The following SEL1L2 variants were observed in gnomAD, a reference collection of about 807,000 sequenced individuals.
The protein encoded by SEL1L2 is protein sel-1 homolog 2.
Under a neutral mutation model 98.8 loss-of-function variants are expected in SEL1L2, and 89 were observed. That is an observed-to-expected ratio of 0.90 (90% CI 0.76 to 1.07). SEL1L2 has a LOEUF of 1.07. SEL1L2 is among the 50% of genes least tolerant of loss of function. SEL1L2 has a pLI of 0.00. For missense variants in SEL1L2, 788 were observed against 812.0 expected (o/e 0.97, Z 0.36); for synonymous variants, 262 against 278.5 (o/e 0.94, Z 0.59).
At chr20:13,984,567 T>C (rs2148567962) in intron 1 of SEL1L2, among the ~76,000 whole-genome samples, 1 of 152,286 alleles carries the variant, frequency 6.6e-6, no homozygotes, top group South Asian at 2.1e-4. Context: ...TGTTTCTTGT[T>C]TGGACCATTC....
At chr20:13,869,444 A>T in intron 14 of SEL1L2, 59 bp downstream of exon 14, 1 of 1,246,644 alleles carries the variant, frequency 8.0e-7, no homozygotes, top group Non-Finnish European at 1.2e-6. Context: ...TTATAAAAGA[A>T]GCAGACTTAA....
rs1990842463 is a variant in SEL1L2, at chr20:13,865,441, C to T, written c.1478G>A (p.Gly493Asp). The T allele has an allele frequency of 9.9e-6, 16 of 1,613,960 alleles. No homozygotes were observed. Among genetic ancestry groups the T allele is most frequent in the Admixed American group, 1.7e-5 (1 of 60,004 alleles). ...CTGAACAAGAGAAGAATCTATATCA[C>T]CATCCTTATAGGCAAAGTAAGCTGT... The part of the protein sequence containing the change: ...FLTAYFAYKD[G>D]DIDSSLVQYA... The change falls in exon 16 of 20, where the codon GGT (glycine) becomes GAT (aspartate). Residue 493 changes from glycine to aspartate, a missense_variant. Coordinates refer to ENST00000284951, the MANE Select transcript of SEL1L2 (RefSeq NM_025229.2).
At chr20:13,864,332 A>G (rs192743234) in intron 17 of SEL1L2, among the ~76,000 whole-genome samples, 8 of 152,208 alleles carry the variant, frequency 5.3e-5, no homozygotes, top group African/African-American at 1.7e-4. Context: ...TTTTTATCCT[A>G]TTCACTTCCT....
intron 5 of SEL1L2, among the ~76,000 whole-genome samples, chr20:13,904,810 T>C (rs942716485): frequency 5.3e-5 from 8 of 152,234 alleles, no homozygotes; most frequent in African/African-American, 1.2e-4. Context: ...AATTTAGTTA[T>C]GCAGAAACAC....
intron 18 of SEL1L2, among the ~76,000 whole-genome samples, chr20:13,853,580 A>C (rs1190216185): frequency 6.6e-6 from 1 of 152,230 alleles, no homozygotes; most frequent in East Asian, 1.9e-4. Flanking sequence ...TTAAATACTT[A>C]CTGTGTGCCA....
intron 15 of SEL1L2, among the ~76,000 whole-genome samples, chr20:13,866,181 C>T (rs890667786): frequency 1.3e-5 from 2 of 152,244 alleles, no homozygotes; most frequent in East Asian, 1.9e-4. Flanking sequence ...GTGTAGCAGA[C>T]GTGTTTAATA....
At chr20:13,978,706 T>C (rs980511581) in intron 1 of SEL1L2, among the ~76,000 whole-genome samples, 9 of 151,842 alleles carry the variant, frequency 5.9e-5, no homozygotes, top group Non-Finnish European at 1.2e-4. Context: ...ATAAAATAAG[T>C]ATACAAATAA....
At chr20:13,986,654 G>T (rs2052200090) in intron 1 of SEL1L2, among the ~76,000 whole-genome samples, 1 of 152,004 alleles carries the variant, frequency 6.6e-6, no homozygotes, top group Non-Finnish European at 1.5e-5. Context: ...TTACTCATTT[G>T]TTGGTCAATA....
In SEL1L2 at chr20:13,870,139, A is replaced by G. The variant is rs1450196040; in HGVS notation, c.1167+2T>C. 1 of 1,589,594 alleles carries G rather than the reference A, an allele frequency of 6.3e-7. No homozygotes were observed. Among genetic ancestry groups the G allele is most frequent in the Non-Finnish European group, 8.6e-7 (1 of 1,159,840 alleles). On this transcript the variant is annotated splice_donor_variant, in intron 13 of 19. Coordinates refer to ENST00000284951, the MANE Select transcript of SEL1L2 (RefSeq NM_025229.2). LOFTEE classifies it high-confidence loss of function. ...AAAAGATAATAAAATAATTTAACTT[A>G]CCAGGGGAACTCCTTTTCCATGAAA...
At chr20:13,947,350 G>A (rs1248158834) in intron 2 of SEL1L2, among the ~76,000 whole-genome samples, 1 of 152,072 alleles carries the variant, frequency 6.6e-6, no homozygotes, top group Non-Finnish European at 1.5e-5. Flanking sequence ...CAGAGATGAT[G>A]GGATGACCTG....
At chr20:13,952,768 C>T (rs1021228300) in intron 2 of SEL1L2, among the ~76,000 whole-genome samples, 5 of 151,830 alleles carry the variant, frequency 3.3e-5, no homozygotes, top group East Asian at 1.9e-4. Flanking sequence ...GGTGCCTGGA[C>T]GCCTGTAATC....
At chr20:13,959,860 C>T (rs902061218) in intron 1 of SEL1L2, among the ~76,000 whole-genome samples, 1 of 152,222 alleles carries the variant, frequency 6.6e-6, no homozygotes, top group Non-Finnish European at 1.5e-5. Flanking sequence ...CCCAAAACCA[C>T]AATTACTTTT....
chr20:13,849,984 G>T, intron 19 of SEL1L2: 1 of 589,172 alleles, frequency 1.7e-6, no homozygotes, highest in Non-Finnish European at 3.0e-6. Context: ...TCTGCTGAAT[G>T]AATTAATTGC....
At chr20:13,963,980 T>A (rs2050906256) in intron 1 of SEL1L2, among the ~76,000 whole-genome samples, 1 of 152,068 alleles carries the variant, frequency 6.6e-6, no homozygotes, top group Admixed American at 6.5e-5. Context: ...CAAGCGATTC[T>A]CCTGCTTCAG....
chr20:13,956,867 T>A (rs2050565040), intron 1 of SEL1L2, among the ~76,000 whole-genome samples: 3 of 152,122 alleles, frequency 2.0e-5, no homozygotes, highest in Admixed American at 2.0e-4. Flanking sequence ...TGACAAATTT[T>A]CAATTGCTGT....
chr20:13,855,743 C>T (rs1371404490), intron 18 of SEL1L2, among the ~76,000 whole-genome samples: 3 of 152,230 alleles, frequency 2.0e-5, no homozygotes, highest in Non-Finnish European at 2.9e-5. Flanking sequence ...CTGGGGGCAG[C>T]CACATCTACT....
chr20:13,900,223 A>T (rs561124773), intron 5 of SEL1L2, among the ~76,000 whole-genome samples: 1 of 152,026 alleles, frequency 6.6e-6, no homozygotes, highest in Non-Finnish European at 1.5e-5. Flanking sequence ...ACTGATTTAT[A>T]TTTTCTGGAA....
intron 4 of SEL1L2, among the ~76,000 whole-genome samples, chr20:13,917,659 C>T (rs2148217020): frequency 6.6e-6 from 1 of 152,088 alleles, no homozygotes; most frequent in South Asian, 2.1e-4. Context: ...TTGTTGCTGC[C>T]CTGTCTGGTG....
rs370286692 is a variant in SEL1L2 at position 13,981,732 on chromosome 20, A to G, written c.58+8745T>C. Among the ~76,000 whole-genome samples the G allele has an allele frequency of 3.9e-5, 6 of 152,354 alleles. 1 individual carries two copies. In the South Asian group the frequency reaches 1.0e-3, roughly 26 times the overall value. On this transcript the variant is annotated intron_variant, in intron 1 of 19. Coordinates refer to ENST00000284951, the MANE Select transcript of SEL1L2 (RefSeq NM_025229.2). ...CACAGTTATCAAACTTCTCTCTTGC[A>G]GTCATCAGTCCTGTCATAACACCTG...
Sources: gnomAD v4.1 joint callset for allele counts (sites outside exome capture counted in the v4.1 genomes callset) on GRCh38, gnomAD v4.1.1 for gene constraint, MANE v1.5 for transcripts, NCBI Gene and HGNC (gene_info 2026-07-23, HGNC 2026-07-21) for gene names.